RIMS2: variants seen among roughly 807,000 people sequenced by gnomAD.
RIMS2 encodes the protein regulating synaptic membrane exocytosis 2.
RIMS2 carries 59 observed loss-of-function variants against 174.4 expected under a neutral mutation model. The observed-to-expected ratio is 0.34, with a 90% CI of 0.27 to 0.42. RIMS2 has a LOEUF of 0.42. Among genes scored for constraint, RIMS2 ranks in the 10% least tolerant of loss-of-function variants. The pLI is 1.00. For missense variants in RIMS2, 1,620 were observed against 1,666.3 expected (o/e 0.97, Z 0.48); for synonymous variants, 606 against 572.5 (o/e 1.06, Z -0.84).
chr8:103,602,284 A>T (rs35400024), intron 1 of RIMS2, among the ~76,000 whole-genome samples: 1,763 of 152,094 alleles, frequency 0.012, 32 homozygotes, highest in African/African-American at 0.039. Flanking sequence ...ACCACGCCTG[A>T]TCCATGCTTT....
chr8:103,559,348 G>T, intron 1 of RIMS2: 1 of 249,466 alleles, frequency 4.0e-6, no homozygotes, highest in Non-Finnish European at 8.0e-6. Flanking sequence ...TCTCCTTTAT[G>T]CCCTTGGTGG....
intron 19 of RIMS2, among the ~76,000 whole-genome samples, chr8:104,016,309 A>G (rs892512866): frequency 6.6e-6 from 1 of 152,096 alleles, no homozygotes; most frequent in African/African-American, 2.4e-5. Flanking sequence ...GTCATTATAT[A>G]TATGTTTATA....
intron 15 of RIMS2, among the ~76,000 whole-genome samples, chr8:103,973,753 C>T (rs752850823): frequency 3.9e-5 from 6 of 152,130 alleles, no homozygotes; most frequent in Non-Finnish European, 8.8e-5. Context: ...TTGCTGCATC[C>T]CGCTGTGTTA....
At chr8:103,809,991 C>A (rs1413019665) in intron 3 of RIMS2, among the ~76,000 whole-genome samples, 3 of 152,168 alleles carry the variant, frequency 2.0e-5, no homozygotes, top group Admixed American at 1.3e-4. Flanking sequence ...TTTGAAGGAA[C>A]TTTGTAAGTC....
At chr8:104,190,199 G>A (rs1210586119) in intron 19 of RIMS2, among the ~76,000 whole-genome samples, 3 of 152,084 alleles carry the variant, frequency 2.0e-5, no homozygotes, top group Non-Finnish European at 4.4e-5. Flanking sequence ...CTGTTCAGGA[G>A]ACTGAGGTGG....
intron 19 of RIMS2, among the ~76,000 whole-genome samples, chr8:104,183,078 G>A (rs754397110): frequency 6.6e-6 from 1 of 151,680 alleles, no homozygotes; most frequent in African/African-American, 2.4e-5. Context: ...CATATTAAAT[G>A]TTGCTTGCAG....
chr8:104,079,642 T>TATATATATA (rs2097372199), intron 19 of RIMS2, among the ~76,000 whole-genome samples: 11 of 115,620 alleles, frequency 9.5e-5, no homozygotes, highest in Non-Finnish European at 1.4e-4. Context: ...TATATATATA[T>TATATATATA]GAAGTAAAAG....
chr8:103,611,876 CT>C (rs1433663253), intron 1 of RIMS2, among the ~76,000 whole-genome samples: 1 of 151,774 alleles, frequency 6.6e-6, no homozygotes, highest in Non-Finnish European at 1.5e-5. Flanking sequence ...ATCTATATCT[CT>C]TTCTCTACCT....
chr8:104,173,548 A>G (rs1424978085), intron 19 of RIMS2, among the ~76,000 whole-genome samples: 1 of 147,910 alleles, frequency 6.8e-6, no homozygotes, highest in Non-Finnish European at 1.5e-5. Context: ...AACATTTTTT[A>G]TAGAACAAAG....
chr8:103,874,617 CT>C (rs2099126924), intron 3 of RIMS2, among the ~76,000 whole-genome samples: 1 of 151,908 alleles, frequency 6.6e-6, no homozygotes, highest in African/African-American at 2.4e-5. Context: ...CTATCAGTTA[CT>C]TTTAAAATTG....
intron 3 of RIMS2, among the ~76,000 whole-genome samples, chr8:103,782,615 A>G (rs538308940): frequency 2.0e-5 from 3 of 152,296 alleles, no homozygotes; most frequent in East Asian, 1.9e-4. Context: ...TTACACTTCT[A>G]TCAGCAGGTA....
At chr8:103,969,084 T>C (rs1565591996) in intron 15 of RIMS2, among the ~76,000 whole-genome samples, 2 of 152,190 alleles carry the variant, frequency 1.3e-5, no homozygotes, top group East Asian at 1.9e-4. Context: ...GTAATTCTTA[T>C]CTTTGTTCTA....
intron 19 of RIMS2, among the ~76,000 whole-genome samples, chr8:104,051,980 T>A (rs1363397089): frequency 6.6e-6 from 1 of 152,198 alleles, no homozygotes; most frequent in Non-Finnish European, 1.5e-5. Flanking sequence ...TCTCTACAGC[T>A]TTGTTATATT....
At chr8:103,562,990 G>A (rs1248371044) in intron 1 of RIMS2, among the ~76,000 whole-genome samples, 2 of 152,158 alleles carry the variant, frequency 1.3e-5, no homozygotes, top group South Asian at 2.1e-4. Context: ...GGGACACAGG[G>A]CACCAAGTCC....
intron 1 of RIMS2, among the ~76,000 whole-genome samples, chr8:103,544,728 C>T (rs937886569): frequency 3.9e-5 from 6 of 152,180 alleles, no homozygotes; most frequent in African/African-American, 1.4e-4. Flanking sequence ...GAGCCCTGTG[C>T]ACCAGAACAC....
chr8:103,860,856 A>G (rs2099055006), intron 3 of RIMS2, among the ~76,000 whole-genome samples: 2 of 152,094 alleles, frequency 1.3e-5, no homozygotes, highest in Admixed American at 6.6e-5. Context: ...GTACTATGAC[A>G]TTCCTATACA....
At chr8:103,661,084 T>C (rs2096594487) in intron 1 of RIMS2, among the ~76,000 whole-genome samples, 1 of 152,176 alleles carries the variant, frequency 6.6e-6, no homozygotes, top group Admixed American at 6.5e-5. Context: ...CCAGCACCAT[T>C]ATTTTGGCCT....
chr8:103,806,502 G>C (rs764157533), intron 3 of RIMS2, among the ~76,000 whole-genome samples: 2 of 152,004 alleles, frequency 1.3e-5, no homozygotes, highest in Admixed American at 1.3e-4. Flanking sequence ...AAAAAGCCTT[G>C]GATGAAACAG....
chr8:103,793,323 C>T (rs1477349537), intron 3 of RIMS2, among the ~76,000 whole-genome samples: 1 of 152,130 alleles, frequency 6.6e-6, no homozygotes, highest in Admixed American at 6.6e-5. Context: ...AGAACCAAGA[C>T]AAAAACCACA....
Sources: gnomAD v4.1 joint callset for allele counts (sites outside exome capture counted in the v4.1 genomes callset) on GRCh38, gnomAD v4.1.1 for gene constraint, MANE v1.5 for transcripts, NCBI Gene and HGNC (gene_info 2026-07-23, HGNC 2026-07-21) for gene names.